SCML4: variants seen among roughly 807,000 people sequenced by gnomAD.
SCML4 encodes Scm polycomb group protein like 4.
SCML4 carries 34 observed loss-of-function variants against 41.1 expected under a neutral mutation model. The observed-to-expected ratio is 0.83, with a 90% CI of 0.63 to 1.10. The LOEUF is 1.10. Among genes scored for constraint, SCML4 ranks in the 50% least tolerant of loss-of-function variants. SCML4 has a pLI of 0.00. For missense variants in SCML4, 522 were observed against 534.1 expected (o/e 0.98, Z 0.22); for synonymous variants, 214 against 220.9 (o/e 0.97, Z 0.28).
At chr6:107,817,846 A>G (rs768356671) in intron 1 of SCML4, among the ~76,000 whole-genome samples, 2 of 152,104 alleles carry the variant, frequency 1.3e-5, no homozygotes, top group African/African-American at 2.4e-5. Context: ...CTAACTTCAC[A>G]TCCCTGGAGA....
rs868813995 is a variant in SCML4, at chr6:107,778,246, T to A, written c.-59-5860A>T. 2.1e-3 allele frequency among the ~76,000 whole-genome samples: 116 copies of A among 54,600 alleles called. 4 individuals carry two copies. Among genetic ancestry groups the A allele is most frequent in the South Asian group, 6.0e-3 (10 of 1,678 alleles). The allele number at this position is 54,600 out of a possible 152,430, so 35.8% of individuals were successfully genotyped here. Reference sequence around the variant, plus strand: ...AAATATATATATATATATATATATATATATATATATATATATATAACTTGA... The same window carrying A: ...AAATATATATATATATATATATATAAATATATATATATATATATAACTTGA... On this transcript the variant is annotated intron_variant, in intron 1 of 7. Transcript: ENST00000369020.
chr6:107,778,920 C>T (rs1257640477), intron 1 of SCML4, among the ~76,000 whole-genome samples: 3 of 152,160 alleles, frequency 2.0e-5, no homozygotes, highest in African/African-American at 7.2e-5. Context: ...GTGGCTCACG[C>T]CTGTAATCCC....
chr6:107,840,486 T>C, the SCML4 span, among the ~76,000 whole-genome samples: 1 of 152,260 alleles, frequency 6.6e-6, no homozygotes, highest in African/African-American at 2.4e-5. Context: ...CATTCACTTA[T>C]TCAACAAGTA....
intron 1 of SCML4, among the ~76,000 whole-genome samples, chr6:107,808,540 G>C (rs1321417895): frequency 6.6e-6 from 1 of 152,104 alleles, no homozygotes; most frequent in East Asian, 1.9e-4. Context: ...CCAGAGTGCT[G>C]GGATTACAAG....
Position 107,702,497 on chromosome 6 carries a change from T to C in SCML4, c.*2703A>G, listed in dbSNP as rs1773263462. The stretch of plus-strand genomic sequence containing the variant: ...TGATACTGGAAGTCACTACATGAGG[T>C]ATCTGTTGATGGAAGAGGTACCACA... On this transcript the variant is annotated 3_prime_UTR_variant, in exon 8 of 8. Transcript: ENST00000369020. Among the ~76,000 whole-genome samples the C allele has an allele frequency of 6.6e-6, 1 of 152,176 alleles. No homozygotes were observed. The highest frequency in any genetic ancestry group is 1.5e-5 in the Non-Finnish European group (1 of 68,032).
intron 1 of SCML4, among the ~76,000 whole-genome samples, chr6:107,789,968 C>T (rs921446326): frequency 2.0e-5 from 3 of 152,178 alleles, no homozygotes; most frequent in Non-Finnish European, 4.4e-5. Flanking sequence ...GTACTCCCAC[C>T]GTATAGATGG....
At chr6:107,825,809 C>T (rs1161285199), upstream of SCML4, among the ~76,000 whole-genome samples, 5 of 151,400 alleles carry the variant, frequency 3.3e-5, no homozygotes, top group Non-Finnish European at 5.9e-5. Flanking sequence ...TGGTGGCGGG[C>T]GCCTGTAGTC....
intron 1 of SCML4, among the ~76,000 whole-genome samples, chr6:107,810,892 C>T (rs1174105990): frequency 3.3e-5 from 5 of 152,180 alleles, no homozygotes; most frequent in Non-Finnish European, 7.3e-5. Flanking sequence ...CATCCCACCT[C>T]ATCCTCCCGA....
chr6:107,808,169 A>AG (rs1783881420), intron 1 of SCML4, among the ~76,000 whole-genome samples: 1 of 152,156 alleles, frequency 6.6e-6, no homozygotes. Flanking sequence ...GGAAAGCCAA[A>AG]GGGGGAAAAA....
At chr6:107,755,527 G>C in intron 2 of SCML4, 1 of 1,011,890 alleles carries the variant, frequency 9.9e-7, no homozygotes, top group Non-Finnish European at 1.3e-6. Context: ...CTGGCTAGAA[G>C]CTTTGCTCTA....
At chr6:107,749,123 CGT>C (rs372451899) in intron 3 of SCML4, among the ~76,000 whole-genome samples, 3 of 151,142 alleles carry the variant, frequency 2.0e-5, no homozygotes, top group South Asian at 2.1e-4. Context: ...TGTGTGTGCG[CGT>C]GTGTGTGTGT....
At chr6:107,804,131 T>A (rs919137829) in intron 1 of SCML4, among the ~76,000 whole-genome samples, 2 of 151,976 alleles carry the variant, frequency 1.3e-5, no homozygotes, top group African/African-American at 4.8e-5. Context: ...TGGGCATTTC[T>A]GAGCTGAGCA....
At chr6:107,734,968 T>A (rs1315416033) in intron 5 of SCML4, among the ~76,000 whole-genome samples, 6 of 152,132 alleles carry the variant, frequency 3.9e-5, no homozygotes, top group African/African-American at 1.4e-4. Context: ...CTCCACCTCC[T>A]GGGTTCAAGA....
chr6:107,746,903 G>C lies in SCML4; in HGVS notation c.287-14C>G. 1 of 1,605,158 alleles carries C rather than the reference G, an allele frequency of 6.2e-7. No individual in the cohort carries two copies. The highest frequency in any genetic ancestry group is 8.5e-7 in the Non-Finnish European group (1 of 1,174,144). On this transcript the variant is annotated splice_polypyrimidine_tract_variant and intron_variant, in intron 3 of 7. Coordinates refer to ENST00000369020, the MANE Select transcript of SCML4 (RefSeq NM_198081.5). ...TGTAGAGGCAGACTGCGGAGACAGA[G>C]GTCACAAAGCCCTCGGCATCAGGCG... is the stretch of plus-strand genomic sequence containing the variant.
At chr6:107,766,731 G>C (rs935683262) in intron 2 of SCML4, among the ~76,000 whole-genome samples, 2 of 152,144 alleles carry the variant, frequency 1.3e-5, no homozygotes, top group Non-Finnish European at 2.9e-5. Context: ...CATGGGCACT[G>C]GGGGGTAGGC....
intron 2 of SCML4, among the ~76,000 whole-genome samples, chr6:107,765,515 T>A (rs578111272): frequency 2.0e-5 from 3 of 152,198 alleles, no homozygotes; most frequent in South Asian, 2.1e-4. Flanking sequence ...AAAAAAATTT[T>A]AAAAATAAAA....
intron 1 of SCML4, among the ~76,000 whole-genome samples, chr6:107,800,897 G>T (rs1286826757): frequency 2.0e-5 from 3 of 152,226 alleles, no homozygotes; most frequent in Non-Finnish European, 4.4e-5. Context: ...GAGGAGGACA[G>T]TTATTTGATT....
chr6:107,736,167 T>A (rs1440206526), intron 5 of SCML4, among the ~76,000 whole-genome samples: 2 of 152,136 alleles, frequency 1.3e-5, no homozygotes, highest in Non-Finnish European at 2.9e-5. Flanking sequence ...AAACATCCCG[T>A]GTGGGAAAGG....
intron 5 of SCML4, chr6:107,740,022 T>G (rs1355021729): frequency 9.5e-6 from 4 of 418,900 alleles, no homozygotes; most frequent in African/African-American, 8.3e-5. Context: ...ATTTATTTTT[T>G]CAAAGTAGTT....
Sources: allele counts gnomAD v4.1 joint callset (sites outside exome capture counted in the v4.1 genomes callset), GRCh38; gene constraint gnomAD v4.1.1; transcripts MANE v1.5; gene names NCBI Gene and HGNC (gene_info 2026-07-23, HGNC 2026-07-21).